CDK14: variants seen among roughly 807,000 people sequenced by gnomAD.
The protein encoded by CDK14 is cyclin dependent kinase 14.
In CDK14, 34 loss-of-function variants were observed where a neutral mutation model predicts 60.7. That is an observed-to-expected ratio of 0.56 (90% CI 0.43 to 0.75). CDK14 has a LOEUF of 0.75. Among genes scored for constraint, CDK14 ranks in the 30% least tolerant of loss-of-function variants. The probability of loss-of-function intolerance (pLI) is 0.00; values close to 1 mark genes in which losing one functional copy is unlikely to be tolerated. For synonymous variants in CDK14, 197 were observed against 203.7 expected, an observed-to-expected ratio of 0.97 and a Z score of 0.28; for missense variants, 482 against 564.1, an observed-to-expected ratio of 0.85 and a Z score of 1.47.
intron 2 of CDK14, among the ~76,000 whole-genome samples, chr7:90,611,106 T>C (rs1156605320): frequency 3.3e-5 from 5 of 152,184 alleles, no homozygotes; most frequent in African/African-American, 1.2e-4. Context: ...TTCCCTCTTT[T>C]CTACTCCAGA....
intron 10 of CDK14, among the ~76,000 whole-genome samples, chr7:90,994,914 A>G (rs1365737328): frequency 6.6e-6 from 1 of 152,178 alleles, no homozygotes; most frequent in Non-Finnish European, 1.5e-5. Flanking sequence ...CATAATTCCC[A>G]TTCTGCCTTT....
At chr7:91,187,677 T>C (rs934189980) in intron 14 of CDK14, among the ~76,000 whole-genome samples, 9 of 152,192 alleles carry the variant, frequency 5.9e-5, no homozygotes, top group African/African-American at 2.2e-4. Context: ...GCTCTCCCCC[T>C]TGCCAGAGAG....
rs967193364 is a variant in CDK14 at position 90,689,784 on chromosome 7, T to C, written c.124-36783T>C. On this transcript the variant is annotated intron_variant, in intron 2 of 14. Coordinates refer to ENST00000380050, the MANE Select transcript of CDK14 (RefSeq NM_001287135.2). ...GACCTCAAAATAGCATTTGAAAAAA[T>C]GTATGGAACTTAAATACTTTGAAGA... Among the ~76,000 whole-genome samples, 3 of 152,254 alleles carry C rather than the reference T, an allele frequency of 2.0e-5. No homozygotes were observed. The East Asian group carries it at 5.8e-4, about 29-fold the overall frequency.
chr7:90,688,429 G>A (rs889914514), intron 2 of CDK14, among the ~76,000 whole-genome samples: 1 of 152,086 alleles, frequency 6.6e-6, no homozygotes, highest in Non-Finnish European at 1.5e-5. Flanking sequence ...GTCATAATTA[G>A]CCTTTGCTAT....
intron 2 of CDK14, among the ~76,000 whole-genome samples, chr7:90,641,319 T>G (rs1800324356): frequency 6.6e-6 from 1 of 152,014 alleles, no homozygotes; most frequent in Admixed American, 6.6e-5. Context: ...ACAGAAACTT[T>G]TGCACCAAAG....
chr7:91,077,133 A>G (rs1401769092), intron 11 of CDK14, among the ~76,000 whole-genome samples: 1 of 152,206 alleles, frequency 6.6e-6, no homozygotes, highest in Non-Finnish European at 1.5e-5. Flanking sequence ...TGACCCAGCA[A>G]TCCCATTACT....
intron 2 of CDK14, among the ~76,000 whole-genome samples, chr7:90,649,260 C>G (rs369158945): frequency 0.07 from 2,983 of 42,678 alleles, 371 homozygotes; most frequent in Admixed American, 0.12. Flanking sequence ...TTCTTTCTTT[C>G]TTTCTTTCTT....
intron 11 of CDK14, among the ~76,000 whole-genome samples, chr7:91,078,466 G>A (rs1798386552): frequency 6.6e-6 from 1 of 152,124 alleles, no homozygotes; most frequent in South Asian, 2.1e-4. Context: ...AATTAGCTGG[G>A]TGTGGCAGCA....
chr7:90,704,511 A>G (rs962032295), intron 2 of CDK14, among the ~76,000 whole-genome samples: 1 of 152,112 alleles, frequency 6.6e-6, no homozygotes, highest in East Asian at 1.9e-4. Flanking sequence ...TAGGTTTTGA[A>G]TGGTCTTCCT....
In CDK14 at chr7:90,955,835, T is replaced by TA. The variant is rs776395979; in HGVS notation, c.947+19dup. On this transcript the variant is annotated intron_variant, in intron 9 of 14. Coordinates refer to ENST00000380050, the MANE Select transcript of CDK14 (RefSeq NM_001287135.2). Reference sequence around the variant, plus strand: ...GACATGTGGTGAGAAATGGAAGCTTTACTCTAGCTAATCTATCTGTAGTGC... The same window carrying TA: ...GACATGTGGTGAGAAATGGAAGCTTTAACTCTAGCTAATCTATCTGTAGTGC... 1 of 1,611,776 alleles carries TA rather than the reference T, an allele frequency of 6.2e-7. No individual in the cohort carries two copies. The highest frequency in any genetic ancestry group is 1.7e-4 in the Middle Eastern group (1 of 6,038).
intron 14 of CDK14, among the ~76,000 whole-genome samples, chr7:91,174,621 T>G (rs935214634): frequency 2.2e-5 from 3 of 135,396 alleles, no homozygotes; most frequent in Non-Finnish European, 3.2e-5. Context: ...AAGGAGCTGA[T>G]GGAGCTGAAA....
At position 91,118,172 on chromosome 7, in the gene CDK14, A is replaced by G; in HGVS notation, c.1402A>G (p.Lys468Glu). Residue 468 changes from lysine to glutamate, a missense_variant, in exon 14 of 15, where the codon AAG (lysine) becomes GAG (glutamate). Physicochemically the swap from Lys to Glu is moderately conservative, Grantham distance 56. Transcript: ENST00000380050. Reference sequence around the variant, plus strand: ...TTATGGCAAAAGTCTATCAAACAGCAAGCACTGACAAGCAGCACATTCTCA... The same window carrying G: ...TTATGGCAAAAGTCTATCAAACAGCGAGCACTGACAAGCAGCACATTCTCA... Reference protein sequence around the residue: ...NSYGKSLSNSKH With the variant: ...NSYGKSLSNSEH 4.4e-6 allele frequency: 7 copies of G among 1,598,306 alleles called. No individual in the cohort carries two copies. Among genetic ancestry groups the G allele is most frequent in the Non-Finnish European group, 6.0e-6 (7 of 1,166,038 alleles).
chr7:91,136,483 G>C (rs960169723), intron 14 of CDK14, among the ~76,000 whole-genome samples: 9 of 152,114 alleles, frequency 5.9e-5, no homozygotes, highest in African/African-American at 2.2e-4. Context: ...GTTTATAAGG[G>C]TAACATGGGT....
chr7:90,696,363 C>G (rs1333853476), intron 2 of CDK14, among the ~76,000 whole-genome samples: 2 of 103,062 alleles, frequency 1.9e-5, no homozygotes, highest in Non-Finnish European at 1.9e-5. Flanking sequence ...TTTTTTGAGA[C>G]AGAGACTGGC....
intron 2 of CDK14, among the ~76,000 whole-genome samples, chr7:90,717,163 G>T (rs1323311796): frequency 6.6e-6 from 1 of 152,006 alleles, no homozygotes; most frequent in Non-Finnish European, 1.5e-5. Flanking sequence ...TGGACAAAAT[G>T]AAGAAGTATA....
intron 12 of CDK14, among the ~76,000 whole-genome samples, chr7:91,079,903 A>C (rs1291436128): frequency 6.6e-6 from 1 of 152,122 alleles, no homozygotes; most frequent in African/African-American, 2.4e-5. Flanking sequence ...CTTACGCCTT[A>C]TTGGGAAGCT....
chr7:90,786,548 T>G (rs183380635), intron 4 of CDK14, among the ~76,000 whole-genome samples: 2 of 152,284 alleles, frequency 1.3e-5, no homozygotes, highest in African/African-American at 4.8e-5. Context: ...TAATATATCT[T>G]TTTGATATCT....
intron 4 of CDK14, among the ~76,000 whole-genome samples, chr7:90,750,543 G>C (rs1803796190): frequency 1.3e-5 from 2 of 152,182 alleles, no homozygotes; most frequent in Non-Finnish European, 2.9e-5. Context: ...AAATCAGTCA[G>C]CGTTTCTAGA....
chr7:90,955,693 A>G lies in CDK14; in HGVS notation c.827-4A>G. The G allele has an allele frequency of 2.5e-6, 4 of 1,613,020 alleles. No homozygotes were observed. Among genetic ancestry groups the G allele is most frequent in the Non-Finnish European group, 3.4e-6 (4 of 1,179,158 alleles). ...AACTTCTTTATGTTTCATATAACCCACAGGTCTTGCAAGAGCAAAATCCGT... is the reference window on the plus strand; with the variant it reads ...AACTTCTTTATGTTTCATATAACCCGCAGGTCTTGCAAGAGCAAAATCCGT... On this transcript the variant is annotated splice_polypyrimidine_tract_variant and splice_region_variant and intron_variant, in intron 8 of 14. Transcript: ENST00000380050.
Sources: allele counts gnomAD v4.1 joint callset (sites outside exome capture counted in the v4.1 genomes callset), GRCh38; gene constraint gnomAD v4.1.1; transcripts MANE v1.5; gene names NCBI Gene and HGNC (gene_info 2026-07-23, HGNC 2026-07-21).